Variants in ADAM23 observed in about 807,000 individuals in gnomAD.
ADAM23 encodes the protein disintegrin and metalloproteinase domain-containing protein 23.
ADAM23 carries 33 observed loss-of-function variants against 120.1 expected under a neutral mutation model. That is an observed-to-expected ratio of 0.27 (90% CI 0.21 to 0.37). ADAM23 has a LOEUF of 0.37. Ranked by LOEUF, ADAM23 falls within the 10% of genes least tolerant of loss-of-function variation. ADAM23 has a pLI of 1.00. For missense variants in ADAM23, 862 were observed against 1,058.2 expected (o/e 0.81, Z 2.57); for synonymous variants, 367 against 375.2 (o/e 0.98, Z 0.25).
intron 3 of ADAM23, among the ~76,000 whole-genome samples, chr2:206,491,653 A>T (rs1696137150): frequency 6.6e-6 from 1 of 152,242 alleles, no homozygotes; most frequent in Non-Finnish European, 1.5e-5. Context: ...AGCACAGAGA[A>T]TTAGATGTGA....
At position 206,445,303 on chromosome 2, in the gene ADAM23, C is replaced by T. The variant is rs1300530375; in HGVS notation, c.215-4C>T. On this transcript the variant is annotated splice_polypyrimidine_tract_variant and splice_region_variant and intron_variant, in intron 1 of 25. Transcript: ENST00000264377. ...CTGCTCCCCCACCCCCCTACCTCCA[C>T]CAGCTCCGCATTGGAATGAAACTGC... 1 of 1,613,066 alleles carries T rather than the reference C, an allele frequency of 6.2e-7. No individual in the cohort carries two copies. Among genetic ancestry groups the T allele is most frequent in the Non-Finnish European group, 8.5e-7 (1 of 1,179,228 alleles).
intron 3 of ADAM23, among the ~76,000 whole-genome samples, chr2:206,508,668 A>G (rs1296684018): frequency 6.6e-6 from 1 of 150,942 alleles, no homozygotes; most frequent in African/African-American, 2.4e-5. Context: ...AAAAAAAAAA[A>G]AAAAGAAAGA....
intron 25 of ADAM23, among the ~76,000 whole-genome samples, chr2:206,611,609 G>A (rs1033492589): frequency 1.3e-5 from 2 of 152,242 alleles, no homozygotes; most frequent in Admixed American, 1.3e-4. Context: ...GGTTTCAAAG[G>A]CCTGGAAAAC....
intron 2 of ADAM23, among the ~76,000 whole-genome samples, chr2:206,452,707 G>T (rs1161599444): frequency 2.0e-5 from 3 of 152,150 alleles, no homozygotes; most frequent in African/African-American, 7.2e-5. Context: ...GTGATGCCCT[G>T]TGTGAAGGTA....
intron 3 of ADAM23, among the ~76,000 whole-genome samples, chr2:206,524,565 T>C (rs1244673208): frequency 6.6e-6 from 1 of 152,254 alleles, no homozygotes; most frequent in Non-Finnish European, 1.5e-5. Context: ...TTTAATGGAC[T>C]CACAGTTCCA....
At chr2:206,522,349 C>G (rs1472740029) in intron 3 of ADAM23, among the ~76,000 whole-genome samples, 1 of 151,732 alleles carries the variant, frequency 6.6e-6, no homozygotes, top group African/African-American at 2.4e-5. Flanking sequence ...GTTATTATTT[C>G]TGATAGTTTT....
chr2:206,531,830 C>T (rs1278341548), intron 4 of ADAM23, among the ~76,000 whole-genome samples: 1 of 152,176 alleles, frequency 6.6e-6, no homozygotes, highest in African/African-American at 2.4e-5. Context: ...AGCACCTTTC[C>T]CGTATGTGGA....
chr2:206,504,593 G>A (rs983381486), intron 3 of ADAM23, among the ~76,000 whole-genome samples: 2 of 152,100 alleles, frequency 1.3e-5, no homozygotes, highest in African/African-American at 4.8e-5. Context: ...CTGAAATCTG[G>A]AAAACAAAGG....
intron 18 of ADAM23, among the ~76,000 whole-genome samples, chr2:206,584,162 C>T (rs1014035981): frequency 2.6e-5 from 4 of 152,290 alleles, no homozygotes; most frequent in African/African-American, 7.2e-5. Context: ...GTCTACCCGG[C>T]TCCAGGCTGG....
chr2:206,501,096 C>T (rs1696379018), intron 3 of ADAM23, among the ~76,000 whole-genome samples: 1 of 151,424 alleles, frequency 6.6e-6, no homozygotes, highest in Admixed American at 6.6e-5. Flanking sequence ...TCAGTGAAAA[C>T]GATTACATGT....
chr2:206,462,749 T>TGAAG (rs1471440810), intron 2 of ADAM23, among the ~76,000 whole-genome samples: 1 of 152,038 alleles, frequency 6.6e-6, no homozygotes. Flanking sequence ...AGACATTTTG[T>TGAAG]GAAGGAAAAA....
chr2:206,481,370 T>G (rs1695893229), intron 3 of ADAM23, 62 bp downstream of exon 3: 10 of 1,248,388 alleles, frequency 8.0e-6, no homozygotes, highest in Non-Finnish European at 1.1e-5. Flanking sequence ...TTTTATAATA[T>G]CGGTTTAGTC....
At chr2:206,601,486 A>G (rs1437198313) in intron 24 of ADAM23, among the ~76,000 whole-genome samples, 1 of 152,182 alleles carries the variant, frequency 6.6e-6, no homozygotes, top group African/African-American at 2.4e-5. Flanking sequence ...GAAGTTGAAT[A>G]GTGAGGCTAG....
At chr2:206,554,718 T>G (rs1220587188) in intron 9 of ADAM23, among the ~76,000 whole-genome samples, 1 of 152,102 alleles carries the variant, frequency 6.6e-6, no homozygotes, top group East Asian at 1.9e-4. Flanking sequence ...TGATCTTGAG[T>G]AAGTTATTTG....
chr2:206,524,046 C>T (rs992003091), intron 3 of ADAM23, among the ~76,000 whole-genome samples: 48 of 152,094 alleles, frequency 3.2e-4, no homozygotes, highest in Admixed American at 9.8e-4. Flanking sequence ...TGAATGTCAG[C>T]GCTCATTTAG....
chr2:206,486,488 G>A (rs1397059643), intron 3 of ADAM23, among the ~76,000 whole-genome samples: 1 of 152,016 alleles, frequency 6.6e-6, no homozygotes, highest in Non-Finnish European at 1.5e-5. Flanking sequence ...AGGATTGATT[G>A]TCTCTTCTCT....
intron 9 of ADAM23, among the ~76,000 whole-genome samples, chr2:206,554,321 A>G (rs1002036684): frequency 7.9e-5 from 12 of 152,316 alleles, no homozygotes; most frequent in African/African-American, 2.9e-4. Context: ...TAGCCTTGAT[A>G]AGAGTCTGCA....
intron 2 of ADAM23, among the ~76,000 whole-genome samples, chr2:206,455,169 G>C (rs1302748255): frequency 2.6e-5 from 4 of 152,234 alleles, no homozygotes; most frequent in Non-Finnish European, 4.4e-5. Context: ...CTGAAATCTA[G>C]GCAGAAGTTC....
intron 2 of ADAM23, among the ~76,000 whole-genome samples, chr2:206,462,152 G>A (rs1695434144): frequency 6.6e-6 from 1 of 152,080 alleles, no homozygotes. Flanking sequence ...GCAAAGGAAT[G>A]TTACTGGAGG....
Sources: allele counts gnomAD v4.1 joint callset (sites outside exome capture counted in the v4.1 genomes callset), GRCh38; gene constraint gnomAD v4.1.1; transcripts MANE v1.5; gene names NCBI Gene and HGNC (gene_info 2026-07-23, HGNC 2026-07-21).